DPH6: variants seen among roughly 807,000 people sequenced by gnomAD.
DPH6 encodes diphthamine biosynthesis 6, also known as diphthine--ammonia ligase.
Under a neutral mutation model 38.2 loss-of-function variants are expected in DPH6, and 33 were observed. The ratio of observed to expected loss-of-function variants is 0.86; its 90% CI spans 0.65 to 1.15. The LOEUF (loss-of-function observed/expected upper bound fraction) is 1.15. DPH6 is among the 50% of genes most tolerant of loss of function. The pLI is 0.00. For synonymous variants in DPH6, 108 were observed against 103.0 expected, an observed-to-expected ratio of 1.05 and a Z score of -0.30; for missense variants, 325 against 320.0, an observed-to-expected ratio of 1.02 and a Z score of -0.12.
chr15:35,475,291 A>G (rs1174207386), intron 3 of DPH6, among the ~76,000 whole-genome samples: 1 of 152,076 alleles, frequency 6.6e-6, no homozygotes, highest in East Asian at 1.9e-4. Flanking sequence ...TAATAGTCAC[A>G]TATCAACTGT....
intron 3 of DPH6, among the ~76,000 whole-genome samples, chr15:35,496,570 ATATAT>A (rs2054560628): frequency 2.8e-5 from 3 of 108,304 alleles, no homozygotes; most frequent in African/African-American, 8.3e-5. Flanking sequence ...AAAAAAAAAT[ATATAT>A]ATATATATAT....
chr15:35,299,524 G>GC (rs1412111322), intron 3 of DPH6: 3 of 618,794 alleles, frequency 4.8e-6, no homozygotes, highest in Non-Finnish European at 8.8e-6. Context: ...GGAGGCAGGA[G>GC]CCAACGGCGG....
At chr15:35,248,149 A>T (rs1170250780) in intron 3 of DPH6, among the ~76,000 whole-genome samples, 2 of 152,144 alleles carry the variant, frequency 1.3e-5, no homozygotes, top group Admixed American at 1.3e-4. Flanking sequence ...AAAGCCTCAG[A>T]AGCAGCCTAA....
intron 3 of DPH6, among the ~76,000 whole-genome samples, chr15:35,502,727 T>C (rs1157838876): frequency 1.3e-5 from 2 of 151,506 alleles, no homozygotes; most frequent in East Asian, 3.9e-4. Flanking sequence ...TAAAGAAAAA[T>C]TGCAACAATA....
intron 3 of DPH6, among the ~76,000 whole-genome samples, chr15:35,314,810 C>A (rs2140833118): frequency 6.6e-6 from 1 of 152,162 alleles, no homozygotes; most frequent in East Asian, 1.9e-4. Context: ...TTTTTCTGTG[C>A]AACAATGAAC....
chr15:35,147,355 TA>T, the DPH6 span, among the ~76,000 whole-genome samples: 6 of 152,234 alleles, frequency 3.9e-5, no homozygotes, highest in African/African-American at 7.2e-5. Flanking sequence ...TTTCATCATT[TA>T]TTTTTTTAAT....
chr15:35,171,859 ATTC>A, the DPH6 span, among the ~76,000 whole-genome samples: 7 of 151,290 alleles, frequency 4.6e-5, no homozygotes, highest in South Asian at 2.1e-4. Flanking sequence ...ATATATATAT[ATTC>A]TTTATTTTTA....
At chr15:35,493,004 GCTAT>G (rs1337214706) in intron 3 of DPH6, among the ~76,000 whole-genome samples, 1 of 152,114 alleles carries the variant, frequency 6.6e-6, no homozygotes, top group Non-Finnish European at 1.5e-5. Context: ...GATTTTTATT[GCTAT>G]CTTTTACATT....
chr15:35,338,310 A>T (rs943070750), intron 3 of DPH6, among the ~76,000 whole-genome samples: 1 of 152,074 alleles, frequency 6.6e-6, no homozygotes, highest in African/African-American at 2.4e-5. Context: ...TCTAGAATCT[A>T]CAATGAACTC....
At chr15:35,337,479 G>C (rs57092374) in intron 3 of DPH6, among the ~76,000 whole-genome samples, 4,453 of 152,224 alleles carry the variant, frequency 0.029, 219 homozygotes, top group African/African-American at 0.1. Context: ...TACAAGGGAC[G>C]TGAAGGACCT....
chr15:35,270,051 G>A (rs912691577), intron 3 of DPH6, among the ~76,000 whole-genome samples: 8 of 151,500 alleles, frequency 5.3e-5, no homozygotes, highest in African/African-American at 1.9e-4. Context: ...CGCCCGCCTC[G>A]GCCTCCCAAA....
intron 3 of DPH6, chr15:35,519,186 G>A (rs1265551704): frequency 6.6e-5 from 10 of 151,686 alleles, no homozygotes; most frequent in Admixed American, 6.6e-4. Flanking sequence ...AGAGAAAAAG[G>A]AAATCTAAAA....
chr15:35,259,433 T>C (rs896400062), intron 3 of DPH6, among the ~76,000 whole-genome samples: 1 of 152,238 alleles, frequency 6.6e-6, no homozygotes, highest in East Asian at 1.9e-4. Context: ...TAAAAAAGTA[T>C]GCATTCCTGT....
At chr15:35,386,877 T>G (rs1187819694) in intron 6 of DPH6, among the ~76,000 whole-genome samples, 1 of 152,188 alleles carries the variant, frequency 6.6e-6, no homozygotes, top group Non-Finnish European at 1.5e-5. Flanking sequence ...TGGCTTTTGT[T>G]GCCATTGCTT....
At chr15:35,521,420 A>G (rs2054921775) in intron 3 of DPH6, 1 of 1,126,156 alleles carries the variant, frequency 8.9e-7, no homozygotes, top group Admixed American at 4.9e-5. Context: ...TAGGAAGTAA[A>G]TGAACAAATT....
intron 3 of DPH6, among the ~76,000 whole-genome samples, chr15:35,486,857 A>G (rs2054407306): frequency 6.6e-6 from 1 of 152,200 alleles, no homozygotes; most frequent in African/African-American, 2.4e-5. Flanking sequence ...ATGAGCCTGT[A>G]AAATAAAATA....
At position 35,458,194 on chromosome 15, in the gene DPH6, C is replaced by T. The variant is rs61457310; in HGVS notation, c.313-3374G>A. Among the ~76,000 whole-genome samples, 1,224 of 151,992 alleles carry T rather than the reference C, an allele frequency of 8.1e-3. 11 individuals are homozygous for T. The highest frequency in any genetic ancestry group is 0.028 in the African/African-American group (1,172 of 41,438). ...TTTTTTATCTACAGTGGGTTGAATC[C>T]GTGGATGTGAATCCGTGGATACAGA... is the stretch of plus-strand genomic sequence containing the variant. On this transcript the variant is annotated intron_variant, in intron 3 of 8. Coordinates refer to ENST00000256538, the MANE Select transcript of DPH6 (RefSeq NM_080650.4).
At chr15:35,151,198 T>C in the DPH6 span, among the ~76,000 whole-genome samples, 40 of 152,304 alleles carry the variant, frequency 2.6e-4, no homozygotes, top group South Asian at 8.1e-3. Context: ...AGCTTCTGGA[T>C]CTATGTTTTT....
Position 35,546,120 on chromosome 15 carries a change from T to G in DPH6, c.22A>C (p.Ser8Arg). MRVAALI[S>R]GGKDSCYNMM... The stretch of plus-strand genomic sequence containing the variant: ...GAGGCGGCTCCAGGACCGCATTACC[T>G]GATCAGAGCCGCGACCCTCATGCTG... The change falls in exon 1 of 9, where the codon AGT becomes CGT. Residue 8 changes from serine to arginine, a missense_variant and splice_region_variant. Ser to Arg is a moderately radical substitution (Grantham distance 110). Coordinates refer to ENST00000256538, the MANE Select transcript of DPH6 (RefSeq NM_080650.4). The G allele has an allele frequency of 1.4e-6, 2 of 1,406,130 alleles. No homozygotes were observed. The highest frequency in any genetic ancestry group is 1.9e-6 in the Non-Finnish European group (2 of 1,065,730). The allele number at this position is 1,406,130 out of a possible 1,614,324, so 87.1% of individuals were successfully genotyped here. A position where few individuals can be genotyped will look rare whatever the true frequency, so the allele number is the denominator to read the frequency against.
Sources: allele counts gnomAD v4.1 joint callset (sites outside exome capture counted in the v4.1 genomes callset), GRCh38; gene constraint gnomAD v4.1.1; transcripts MANE v1.5; gene names NCBI Gene and HGNC (gene_info 2026-07-23, HGNC 2026-07-21).